AGMO: variants seen among roughly 807,000 people sequenced by gnomAD.
AGMO encodes the protein glyceryl-ether monooxygenase.
Under a neutral mutation model 60.2 loss-of-function variants are expected in AGMO, and 75 were observed. The observed-to-expected ratio is 1.25, with a 90% CI of 1.03 to 1.51. The LOEUF is 1.51. Among genes scored for constraint, AGMO ranks in the 40% most tolerant of loss-of-function variants. The pLI is 0.00. For missense variants in AGMO, 763 were observed against 525.5 expected (o/e 1.45, Z -4.42); for synonymous variants, 261 against 177.1 (o/e 1.47, Z -3.76).
intron 9 of AGMO, among the ~76,000 whole-genome samples, chr7:15,387,144 G>C (rs558821809): frequency 6.6e-6 from 1 of 152,162 alleles, no homozygotes; most frequent in South Asian, 2.1e-4. Context: ...CGTTCAAGTC[G>C]ATATGAAAAC....
chr7:15,237,805 A>G (rs1782472121), intron 12 of AGMO, among the ~76,000 whole-genome samples: 1 of 151,896 alleles, frequency 6.6e-6, no homozygotes, highest in African/African-American at 2.4e-5. Context: ...CTCCCTCCTA[A>G]CCTTTCTCTT....
chr7:15,459,453 G>A lies in AGMO; in HGVS notation c.410-28345C>T, dbSNP rs115788550. On this transcript the variant is annotated intron_variant, in intron 3 of 12. Coordinates refer to ENST00000342526, the MANE Select transcript of AGMO (RefSeq NM_001004320.2). ...AGGGAAGAGTGGTTATGTTCCGAAT[G>A]CTCTCATTTCCTGCCCTCTCCCCAG... 9.6e-3 allele frequency among the ~76,000 whole-genome samples: 1,468 copies of A among 152,180 alleles called. 24 individuals are homozygous for A. Among genetic ancestry groups the A allele is most frequent in the African/African-American group, 0.034 (1,432 of 41,514 alleles).
At position 15,217,708 on chromosome 7, in the gene AGMO, G is replaced by C. The variant is rs368609609; in HGVS notation, c.1264-16349C>G. Among the ~76,000 whole-genome samples, 18 of 151,614 alleles carry C rather than the reference G, an allele frequency of 1.2e-4. 1 individual carries two copies. In the South Asian group the frequency reaches 3.3e-3, roughly 28 times the overall value. On this transcript the variant is annotated intron_variant, in intron 12 of 12. Coordinates refer to ENST00000342526, the MANE Select transcript of AGMO (RefSeq NM_001004320.2). The stretch of plus-strand genomic sequence containing the variant: ...AATGCAAGATGAAAATAAATACTTG[G>C]AGATATGGAAGTTAAAATGAAAAAT...
At chr7:15,237,480 G>C (rs534561402) in intron 12 of AGMO, among the ~76,000 whole-genome samples, 1 of 152,090 alleles carries the variant, frequency 6.6e-6, no homozygotes, top group East Asian at 1.9e-4. Context: ...GTTAGACCTA[G>C]AGAGTGTTTT....
intron 12 of AGMO, chr7:15,358,546 G>C (rs915708105): frequency 5.1e-6 from 2 of 394,652 alleles, no homozygotes; most frequent in African/African-American, 4.3e-5. Context: ...TCCCTTCTTA[G>C]ATGCAGGTGG....
rs144456363 is a variant in AGMO, at chr7:15,395,126, C to T, written c.610-947G>A. Among the ~76,000 whole-genome samples, 317 of 152,296 alleles carry T rather than the reference C, an allele frequency of 2.1e-3. 1 individual carries two copies. Among genetic ancestry groups the T allele is most frequent in the African/African-American group, 7.0e-3 (293 of 41,562 alleles). Reference sequence around the variant, plus strand: ...TACTTTTCTTTATTCACAATCTAAACTGATTTGTTAGAGCCTACCAATGAC... The same window carrying T: ...TACTTTTCTTTATTCACAATCTAAATTGATTTGTTAGAGCCTACCAATGAC... On this transcript the variant is annotated intron_variant, in intron 5 of 12. Transcript: ENST00000342526.
At chr7:15,541,019 T>C (rs965912680) in intron 3 of AGMO, among the ~76,000 whole-genome samples, 13 of 152,352 alleles carry the variant, frequency 8.5e-5, no homozygotes, top group African/African-American at 2.9e-4. Flanking sequence ...TAAAAATGTT[T>C]CCTTGAAAAT....
intron 5 of AGMO, among the ~76,000 whole-genome samples, chr7:15,394,767 G>A (rs1031806829): frequency 4.6e-5 from 7 of 152,112 alleles, no homozygotes; most frequent in Admixed American, 2.6e-4. Flanking sequence ...AGTAATCTAC[G>A]GCATTAGGGT....
chr7:15,367,731 G>C (rs1299330446), intron 10 of AGMO, among the ~76,000 whole-genome samples: 1 of 152,078 alleles, frequency 6.6e-6, no homozygotes, highest in Non-Finnish European at 1.5e-5. Context: ...TCCTGGATGA[G>C]TTCCCTACTC....
At chr7:15,410,248 G>A (rs1784802888) in intron 5 of AGMO, among the ~76,000 whole-genome samples, 1 of 151,580 alleles carries the variant, frequency 6.6e-6, no homozygotes, top group African/African-American at 2.4e-5. Flanking sequence ...TTAGTCTTAT[G>A]TGTAGTAGCA....
intron 12 of AGMO, among the ~76,000 whole-genome samples, chr7:15,362,791 A>C (rs1782816037): frequency 6.6e-6 from 1 of 152,202 alleles, no homozygotes; most frequent in Non-Finnish European, 1.5e-5. Context: ...TTGCAGTTAA[A>C]TTGATAAGAC....
At chr7:15,433,791 T>G (rs1781323517) in intron 3 of AGMO, among the ~76,000 whole-genome samples, 1 of 151,860 alleles carries the variant, frequency 6.6e-6, no homozygotes, top group Non-Finnish European at 1.5e-5. Context: ...TATGTTATTA[T>G]AATTTTTCCA....
intron 3 of AGMO, among the ~76,000 whole-genome samples, chr7:15,453,517 A>G (rs1781911116): frequency 6.6e-6 from 1 of 152,240 alleles, no homozygotes. Flanking sequence ...AAAAACAGGG[A>G]AGAAGAAAAA....
chr7:15,253,414 T>C (rs1381280408), intron 12 of AGMO, among the ~76,000 whole-genome samples: 2 of 152,116 alleles, frequency 1.3e-5, no homozygotes, highest in Admixed American at 1.3e-4. Flanking sequence ...CTATTAGTCA[T>C]TCAAGTAGAA....
At chr7:15,209,660 C>T (rs1314446948) in intron 12 of AGMO, among the ~76,000 whole-genome samples, 1 of 152,104 alleles carries the variant, frequency 6.6e-6, no homozygotes, top group Admixed American at 6.6e-5. Context: ...GGTTTCTCGC[C>T]TAAGTCTCAA....
chr7:15,183,205 G>C, the AGMO span, among the ~76,000 whole-genome samples: 3 of 151,238 alleles, frequency 2.0e-5, no homozygotes, highest in Non-Finnish European at 4.4e-5. Flanking sequence ...CTATCCTCTT[G>C]ATATATTTTT....
chr7:15,245,434 G>A (rs1045841429), intron 12 of AGMO, among the ~76,000 whole-genome samples: 1 of 152,120 alleles, frequency 6.6e-6, no homozygotes, highest in Non-Finnish European at 1.5e-5. Flanking sequence ...TTCTAAATTA[G>A]TCCTAGATTC....
Position 15,475,227 on chromosome 7 carries a change from A to G in AGMO, c.410-44119T>C, listed in dbSNP as rs181104905. On this transcript the variant is annotated intron_variant, in intron 3 of 12. Coordinates refer to ENST00000342526, the MANE Select transcript of AGMO (RefSeq NM_001004320.2). ...AAAGGATTATAAATCATTCTACTAT[A>G]AATACACATGCACACATATGTTATT... is the stretch of plus-strand genomic sequence containing the variant. Among the ~76,000 whole-genome samples the G allele has an allele frequency of 3.0e-3, 460 of 152,316 alleles. 2 individuals are homozygous for G. Among genetic ancestry groups the G allele is most frequent in the African/African-American group, 0.011 (439 of 41,574 alleles).
At position 15,366,139 on chromosome 7, in the gene AGMO, C is replaced by A; in HGVS notation, c.1157+1G>T. The A allele has an allele frequency of 6.2e-7, 1 of 1,601,682 alleles. No homozygotes were observed. The highest frequency in any genetic ancestry group is 8.5e-7 in the Non-Finnish European group (1 of 1,172,684). The stretch of plus-strand genomic sequence containing the variant: ...AACAATGCAAGAATTTCACTTCTTG[C>A]CTTTGATCCAGAAGAAATCCAATGG... On this transcript the variant is annotated splice_donor_variant, in intron 11 of 12. Coordinates refer to ENST00000342526, the MANE Select transcript of AGMO (RefSeq NM_001004320.2). LOFTEE classifies it high-confidence loss of function.
Sources: gnomAD v4.1 joint callset for allele counts (sites outside exome capture counted in the v4.1 genomes callset) on GRCh38, gnomAD v4.1.1 for gene constraint, MANE v1.5 for transcripts, NCBI Gene and HGNC (gene_info 2026-07-23, HGNC 2026-07-21) for gene names.